Variants in LCE1C observed in about 807,000 individuals in gnomAD.
LCE1C encodes the protein late cornified envelope 1C.
A neutral mutation model predicts 0.7 loss-of-function variants in LCE1C; 1 was observed. That is an observed-to-expected ratio of 1.44 (90% CI 0.51 to 6.83). The LOEUF (loss-of-function observed/expected upper bound fraction) is 6.83, where lower values mean the gene tolerates loss of function less well. LCE1C is among the 30% of genes most tolerant of loss of function. LCE1C has a pLI of 0.14. For synonymous variants in LCE1C, 72 were observed against 57.9 expected, an observed-to-expected ratio of 1.24 and a Z score of -1.10; for missense variants, 136 against 149.6, an observed-to-expected ratio of 0.91 and a Z score of 0.48.
chr1:152,805,222 T>C lies in LCE1C; in HGVS notation c.257A>G (p.His86Arg). 6.2e-7 allele frequency: 1 copy of C among 1,613,640 alleles called. No homozygotes were observed. Among genetic ancestry groups the C allele is most frequent in the Non-Finnish European group, 8.5e-7 (1 of 1,179,968 alleles). ...GCCAGAGCTCTGGGGTCTGTGGCAG[T>C]GGGACCTACGGCGCCTGTGGTGGCT... Reference protein sequence around the residue: ...CLSHHRRRRSHCHRPQSSGCC... With the variant: ...CLSHHRRRRSRCHRPQSSGCC... Residue 86 changes from histidine to arginine, a missense_variant, in exon 2 of 2, where the codon CAC becomes CGC. Transcript: ENST00000607093.
In LCE1C at chr1:152,805,350, G is replaced by T. The variant is rs761903086; in HGVS notation, c.129C>A (p.Cys43Ter). The stretch of plus-strand genomic sequence containing the variant: ...AGCAGCCTCCGGAGCTGACACTGCA[G>T]CAGGAAGAGACAGGAGGGCACTTAG... ...CPPKCPPVSSCCSVSSGGCCG... is the reference protein window; with the variant it reads ...CPPKCPPVSS The change falls in exon 2 of 2, where the codon TGC (cysteine) becomes TGA (stop). Residue 43 changes from cysteine (C) to a stop codon, truncating the protein, a stop_gained. Transcript: ENST00000607093. LOFTEE classifies it high-confidence loss of function. 1.2e-5 allele frequency: 20 copies of T among 1,613,962 alleles called. No individual in the cohort carries two copies. Among genetic ancestry groups the T allele is most frequent in the South Asian group, 5.5e-5 (5 of 91,082 alleles).
At position 152,805,179 on chromosome 1, in the gene LCE1C, C is replaced by G. The variant is rs200605256; in HGVS notation, c.300G>C (p.Ser100=). Residue 100 remains serine, a synonymous_variant, in exon 2 of 2, where the codon TCG becomes TCC. Coordinates refer to ENST00000607093, the MANE Select transcript of LCE1C (RefSeq NM_178351.4). The part of the protein sequence containing the change: ...PQSSGCCSQP[S]GGSSCCGGGS... ...CCCCGCCACAGCAGCTGGAGCCCCC[C>G]GAGGGCTGGCTGCAGCAGCCAGAGC... is the stretch of plus-strand genomic sequence containing the variant. 1.8e-5 allele frequency: 29 copies of G among 1,611,824 alleles called. 1 individual carries two copies. The highest frequency in any genetic ancestry group is 1.8e-4 in the South Asian group (16 of 90,954).
At chr1:152,806,340 G>A (rs1301861566) in intron 1 of LCE1C, among the ~76,000 whole-genome samples, 2 of 151,976 alleles carry the variant, frequency 1.3e-5, no homozygotes, top group Non-Finnish European at 2.9e-5. Context: ...TTCTAGCAGA[G>A]TCTATTTGCC....
chr1:152,806,169 T>G (rs1029849505), intron 1 of LCE1C, among the ~76,000 whole-genome samples: 1 of 152,188 alleles, frequency 6.6e-6, no homozygotes, highest in African/African-American at 2.4e-5. Context: ...TTTAAGAGAT[T>G]CTCAATTCCA....
Position 152,805,378 on chromosome 1 carries a change from G to A in LCE1C, c.101C>T (p.Pro34Leu). 1 of 1,613,686 alleles carries A rather than the reference G, an allele frequency of 6.2e-7. No homozygotes were observed. The stretch of plus-strand genomic sequence containing the variant: ...GGAAGAGACAGGAGGGCACTTAGGG[G>A]GACACTTTGGGGGACACTTTGGGGT... ...CPTPKCPPKC[P>L]PKCPPVSSCC... The change falls in exon 2 of 2, where the codon CCC (proline) becomes CTC (leucine). Residue 34 changes from proline to leucine, a missense_variant. By Grantham distance (98) the Pro-to-Leu change is moderately conservative. Transcript: ENST00000607093.
intron 1 of LCE1C, among the ~76,000 whole-genome samples, 168 bp from the exon 2 acceptor site, chr1:152,805,666 C>G (rs980028731): frequency 2.6e-5 from 4 of 152,164 alleles, no homozygotes; most frequent in African/African-American, 9.7e-5. Flanking sequence ...GGCAAATGCT[C>G]TCACACTGTA....
chr1:152,804,926 G>A lies in LCE1C; in HGVS notation c.*196C>T. 2 of 698,104 alleles carry A rather than the reference G, an allele frequency of 2.9e-6. No homozygotes were observed. The highest frequency in any genetic ancestry group is 4.9e-6 in the Non-Finnish European group (2 of 410,842). The allele number at this position is 698,104 out of a possible 1,614,324, so 43.2% of individuals were successfully genotyped here. A position where few individuals can be genotyped will look rare whatever the true frequency, so the allele number is the denominator to read the frequency against. On this transcript the variant is annotated 3_prime_UTR_variant, in exon 2 of 2. Transcript: ENST00000607093. ...CAGAGCGTGGGAGGGTAGCCACAAAGGTGAGGTCCAAGGCCAGTGAATGGA... is the reference window on the plus strand; with the variant it reads ...CAGAGCGTGGGAGGGTAGCCACAAAAGTGAGGTCCAAGGCCAGTGAATGGA...
Position 152,805,314 on chromosome 1 carries a change from G to A in LCE1C, c.165C>T (p.Ser55=), listed in dbSNP as rs1370662305. The change falls in exon 2 of 2, where the codon AGC becomes AGT. Residue 55 remains serine (S), a synonymous_variant. Coordinates refer to ENST00000607093, the MANE Select transcript of LCE1C (RefSeq NM_178351.4). ...SVSSGGCCGS[S]SGGSCGSSSG... ...AGCTGGAGCCACAGCTGCCCCCAGA[G>A]CTGGAGCCACAGCAGCCTCCGGAGC... The A allele has an allele frequency of 1.1e-5, 18 of 1,614,094 alleles. No individual in the cohort carries two copies. Among genetic ancestry groups the A allele is most frequent in the Non-Finnish European group, 1.5e-5 (18 of 1,180,024 alleles).
At chr1:152,805,925 A>C (rs956951298) in intron 1 of LCE1C, among the ~76,000 whole-genome samples, 2 of 152,182 alleles carry the variant, frequency 1.3e-5, no homozygotes, top group African/African-American at 4.8e-5. Context: ...ACTTCCTAGG[A>C]GACTTTGTCT....
chr1:152,805,291 C>T lies in LCE1C; in HGVS notation c.188G>A (p.Ser63Asn), dbSNP rs1652301970. 30 of 1,613,996 alleles carry T rather than the reference C, an allele frequency of 1.9e-5. No homozygotes were observed. In the East Asian group the frequency reaches 6.7e-4, roughly 36 times the overall value. ...GSSSGGSCGSSSGGCCSSGGG... is the reference protein window; with the variant it reads ...GSSSGGSCGSNSGGCCSSGGG... ...CCCAGAACTGCAGCATCCCCCAGAG[C>T]TGGAGCCACAGCTGCCCCCAGAGCT... Residue 63 changes from serine (S) to asparagine (N), a missense_variant, in exon 2 of 2, where the codon AGC (serine) becomes AAC (asparagine). By Grantham distance (46) the Ser-to-Asn change is conservative. Coordinates refer to ENST00000607093, the MANE Select transcript of LCE1C (RefSeq NM_178351.4).
chr1:152,805,368 G>T lies in LCE1C; in HGVS notation c.111C>A (p.Cys37Ter), dbSNP rs760599633. 3.1e-6 allele frequency: 5 copies of T among 1,613,668 alleles called. No individual in the cohort carries two copies. In the Admixed American group the frequency reaches 8.3e-5, roughly 27 times the overall value. ...PKCPPKCPPK[C>*]PPVSSCCSVS... ...CACTGCAGCAGGAAGAGACAGGAGG[G>T]CACTTAGGGGGACACTTTGGGGGAC... Residue 37 changes from cysteine to a stop codon, truncating the protein, a stop_gained, in exon 2 of 2, where the codon TGC becomes TGA. Coordinates refer to ENST00000607093, the MANE Select transcript of LCE1C (RefSeq NM_178351.4). LOFTEE classifies it low-confidence loss of function (END_TRUNC).
chr1:152,806,012 G>T (rs1406443787), intron 1 of LCE1C, among the ~76,000 whole-genome samples: 1 of 152,240 alleles, frequency 6.6e-6, no homozygotes. Flanking sequence ...TGTTAAGGAA[G>T]ATGCTGGAGA....
chr1:152,805,376 G>A lies in LCE1C; in HGVS notation c.103C>T (p.Pro35Ser). 1 of 1,613,724 alleles carries A rather than the reference G, an allele frequency of 6.2e-7. No homozygotes were observed. Among genetic ancestry groups the A allele is most frequent in the Non-Finnish European group, 8.5e-7 (1 of 1,179,762 alleles). The part of the protein sequence containing the change: ...PTPKCPPKCP[P>S]KCPPVSSCCS... ...CAGGAAGAGACAGGAGGGCACTTAG[G>A]GGGACACTTTGGGGGACACTTTGGG... Residue 35 changes from proline (P) to serine (S), a missense_variant, in exon 2 of 2, where the codon CCT (proline) becomes TCT (serine). Physicochemically the swap from Pro to Ser is moderately conservative, Grantham distance 74 (BLOSUM62 -1). Transcript: ENST00000607093.
In LCE1C at chr1:152,804,963, G is replaced by C; in HGVS notation, c.*159C>G. 2.2e-6 allele frequency: 2 copies of C among 900,264 alleles called. No individual in the cohort carries two copies. The highest frequency in any genetic ancestry group is 3.5e-6 in the Non-Finnish European group (2 of 578,472). 55.8% of individuals were successfully genotyped at this position (900,264 alleles called of 1,614,324 possible). A position where few individuals can be genotyped will look rare whatever the true frequency, so the allele number is the denominator to read the frequency against. ...GGCCAGTGAATGGAGATCCAGGAGA[G>C]GATCTGAGTTTCTGGACTCCAGGGA... On this transcript the variant is annotated 3_prime_UTR_variant, in exon 2 of 2. Transcript: ENST00000607093.
Position 152,806,594 on chromosome 1 carries a change from C to T in LCE1C, c.-21+7G>A, listed in dbSNP as rs368564386. ...AGCCCCAGCAACTATTCTCAAAGAA[C>T]ACTTACCGGGGTCACAGGCAGCACA... On this transcript the variant is annotated splice_region_variant and intron_variant, in intron 1 of 1. Transcript: ENST00000607093. 1 of 152,460 alleles carries T rather than the reference C, an allele frequency of 6.6e-6. No individual in the cohort carries two copies. The highest frequency in any genetic ancestry group is 1.9e-4 in the East Asian group (1 of 5,198). 9.4% of individuals were successfully genotyped at this position (152,460 alleles called of 1,614,324 possible).
chr1:152,805,218 G>A lies in LCE1C; in HGVS notation c.261C>T (p.Cys87=), dbSNP rs754868295. The part of the protein sequence containing the change: ...LSHHRRRRSH[C]HRPQSSGCCS... ...AGCAGCCAGAGCTCTGGGGTCTGTGGCAGTGGGACCTACGGCGCCTGTGGT... is the reference window on the plus strand; with the variant it reads ...AGCAGCCAGAGCTCTGGGGTCTGTGACAGTGGGACCTACGGCGCCTGTGGT... The change falls in exon 2 of 2, where the codon TGC becomes TGT. Residue 87 remains cysteine (C), a synonymous_variant. Coordinates refer to ENST00000607093, the MANE Select transcript of LCE1C (RefSeq NM_178351.4). 8.1e-5 allele frequency: 130 copies of A among 1,613,646 alleles called. No homozygotes were observed. The highest frequency in any genetic ancestry group is 9.4e-5 in the Non-Finnish European group (111 of 1,180,018).
intron 1 of LCE1C, among the ~76,000 whole-genome samples, chr1:152,806,084 C>T (rs1413242833): frequency 6.6e-5 from 10 of 152,182 alleles, no homozygotes; most frequent in Non-Finnish European, 1.2e-4. Context: ...GGCTGGTGCA[C>T]TGCCATATTC....
chr1:152,804,916 T>C lies in LCE1C; in HGVS notation c.*206A>G. ...GGGGCTTAGACAGAGCGTGGGAGGG[T>C]AGCCACAAAGGTGAGGTCCAAGGCC... On this transcript the variant is annotated 3_prime_UTR_variant, in exon 2 of 2. Coordinates refer to ENST00000607093, the MANE Select transcript of LCE1C (RefSeq NM_178351.4). 1 of 645,366 alleles carries C rather than the reference T, an allele frequency of 1.5e-6. No homozygotes were observed. Among genetic ancestry groups the C allele is most frequent in the Non-Finnish European group, 2.7e-6 (1 of 372,860 alleles). 40.0% of individuals were successfully genotyped at this position (645,366 alleles called of 1,614,324 possible).
Position 152,805,318 on chromosome 1 carries a change from G to A in LCE1C, c.161C>T (p.Ser54Phe). The change falls in exon 2 of 2, where the codon TCC becomes TTC. Residue 54 changes from serine (S) to phenylalanine (F), a missense_variant. Physicochemically the swap from Ser to Phe is radical, Grantham distance 155. Coordinates refer to ENST00000607093, the MANE Select transcript of LCE1C (RefSeq NM_178351.4). ...CSVSSGGCCG[S>F]SSGGSCGSSS... ...GGAGCCACAGCTGCCCCCAGAGCTG[G>A]AGCCACAGCAGCCTCCGGAGCTGAC... 6.2e-7 allele frequency: 1 copy of A among 1,614,034 alleles called. No homozygotes were observed.
Sources: allele counts gnomAD v4.1 joint callset (sites outside exome capture counted in the v4.1 genomes callset), GRCh38; gene constraint gnomAD v4.1.1; transcripts MANE v1.5; gene names NCBI Gene and HGNC (gene_info 2026-07-23, HGNC 2026-07-21).